C14orf132: variants seen among roughly 807,000 people sequenced by gnomAD.
C14orf132 encodes the protein chromosome 14 open reading frame 132, also known as uncharacterized protein C14orf132.
C14orf132 carries 6 observed loss-of-function variants against 5.8 expected under a neutral mutation model. That is an observed-to-expected ratio of 1.03 (90% CI 0.57 to 2.04). C14orf132 has a LOEUF of 2.04. Among genes scored for constraint, C14orf132 ranks in the 30% most tolerant of loss-of-function variants. The pLI is 0.00. For missense variants in C14orf132, 125 were observed against 115.8 expected (o/e 1.08, Z -0.37); for synonymous variants, 51 against 49.8 (o/e 1.02, Z -0.10).
Position 96,086,927 on chromosome 14 carries a change from G to T in C14orf132, c.*192G>T. On this transcript the variant is annotated 3_prime_UTR_variant, in exon 2 of 2. Transcript: ENST00000555004. ...GTGGTCAAGCTGAGTCAGAAGACATGGAAGTATGGGCCTCCTGCCCCTAGA... is the reference window on the plus strand; with the variant it reads ...GTGGTCAAGCTGAGTCAGAAGACATTGAAGTATGGGCCTCCTGCCCCTAGA... 1 of 634,210 alleles carries T rather than the reference G, an allele frequency of 1.6e-6. No homozygotes were observed. Among genetic ancestry groups the T allele is most frequent in the Non-Finnish European group, 2.7e-6 (1 of 370,164 alleles). The allele number at this position is 634,210 out of a possible 1,614,324, so 39.3% of individuals were successfully genotyped here.
At chr14:96,050,417 G>A (rs1302198801) in intron 1 of C14orf132, among the ~76,000 whole-genome samples, 2 of 152,162 alleles carry the variant, frequency 1.3e-5, no homozygotes, top group East Asian at 3.8e-4. Context: ...TTCAAGATGG[G>A]TGATGGAAAC....
chr14:96,073,341 G>A (rs1887767071), intron 1 of C14orf132, among the ~76,000 whole-genome samples: 1 of 151,958 alleles, frequency 6.6e-6, no homozygotes, highest in Non-Finnish European at 1.5e-5. Context: ...TTAAAACTGG[G>A]TTGTTTTCCA....
chr14:96,052,984 T>A (rs972719233), intron 1 of C14orf132, among the ~76,000 whole-genome samples: 7 of 152,140 alleles, frequency 4.6e-5, no homozygotes, highest in African/African-American at 1.2e-4. Flanking sequence ...AAATGGTGAC[T>A]CAGAGGTAAG....
At chr14:96,084,334 A>G (rs1291680826) in intron 1 of C14orf132, among the ~76,000 whole-genome samples, 1 of 136,946 alleles carries the variant, frequency 7.3e-6, no homozygotes, top group Non-Finnish European at 1.7e-5. Context: ...CATGCCCAAG[A>G]GGAAAAAAGC....
intron 1 of C14orf132, among the ~76,000 whole-genome samples, chr14:96,085,158 C>T (rs1888143693): frequency 6.6e-6 from 1 of 152,240 alleles, no homozygotes; most frequent in African/African-American, 2.4e-5. Context: ...TATTAGCCTC[C>T]ACCAGGATTG....
At position 96,087,468 on chromosome 14, in the gene C14orf132, G is replaced by T. The variant is rs1353346910; in HGVS notation, c.*733G>T. ...GCAGTGGACTCTTCAGGCCACCCAC[G>T]TGAGAATGCTGTTTCTTCTCTGAGG... On this transcript the variant is annotated 3_prime_UTR_variant, in exon 2 of 2. Transcript: ENST00000555004. 2 of 152,120 alleles carry T rather than the reference G, an allele frequency of 1.3e-5. No individual in the cohort carries two copies. 9.4% of individuals were successfully genotyped at this position (152,120 alleles called of 1,614,324 possible). A position where few individuals can be genotyped will look rare whatever the true frequency, so the allele number is the denominator to read the frequency against.
intron 1 of C14orf132, among the ~76,000 whole-genome samples, chr14:96,077,699 T>C (rs1887914322): frequency 6.6e-6 from 1 of 152,216 alleles, no homozygotes; most frequent in African/African-American, 2.4e-5. Context: ...ACTAGTACAC[T>C]GTGTCTTGTT....
At chr14:96,046,223 G>A (rs375750588) in intron 1 of C14orf132, among the ~76,000 whole-genome samples, 1 of 152,196 alleles carries the variant, frequency 6.6e-6, no homozygotes, top group African/African-American at 2.4e-5. Context: ...GAGGGGAGTC[G>A]GATTCCAGCT....
intron 1 of C14orf132, among the ~76,000 whole-genome samples, chr14:96,054,499 A>T (rs1485920403): frequency 1.3e-5 from 2 of 152,176 alleles, no homozygotes; most frequent in Non-Finnish European, 2.9e-5. Context: ...TTGGAACAAG[A>T]TGCTTAATTT....
At chr14:96,040,045 A>G (rs1420491860) in intron 1 of C14orf132, among the ~76,000 whole-genome samples, 1 of 151,144 alleles carries the variant, frequency 6.6e-6, no homozygotes, top group Admixed American at 6.6e-5. Context: ...TGACCCGCCA[A>G]GCGTCGACGC....
At chr14:96,060,045 A>G (rs1887301916) in intron 1 of C14orf132, among the ~76,000 whole-genome samples, 1 of 152,048 alleles carries the variant, frequency 6.6e-6, no homozygotes, top group African/African-American at 2.4e-5. Context: ...CCCCTCCTTC[A>G]GTGCTGGATT....
chr14:96,051,339 T>C (rs952630093), intron 1 of C14orf132: 1 of 396,864 alleles, frequency 2.5e-6, no homozygotes, highest in African/African-American at 2.1e-5. Context: ...ATGGGTTCTT[T>C]AGGCCTCCAT....
chr14:96,080,009 T>G (rs1887984064), intron 1 of C14orf132, among the ~76,000 whole-genome samples: 1 of 152,238 alleles, frequency 6.6e-6, no homozygotes, highest in Non-Finnish European at 1.5e-5. Context: ...TGGGATATAC[T>G]TATGCTAAAA....
In C14orf132 at chr14:96,070,596, T is replaced by TCTCTCACA. The variant is rs755530241; in HGVS notation, c.28-15914_28-15913insTCTCACAC. The stretch of plus-strand genomic sequence containing the variant: ...GGTAGATGAAGTCTCTCTCTCTCTC[T>TCTCTCACA]CACACACACACACACACACACACAC... On this transcript the variant is annotated intron_variant, in intron 1 of 1. Transcript: ENST00000555004. Among the ~76,000 whole-genome samples the TCTCTCACA allele has an allele frequency of 2.0e-3, 287 of 142,632 alleles. 4 individuals are homozygous for TCTCTCACA. The East Asian group carries it at 0.026, about 13-fold the overall frequency. 93.6% of individuals were successfully genotyped at this position (142,632 alleles called of 152,430 possible). A position where few individuals can be genotyped will look rare whatever the true frequency, so the allele number is the denominator to read the frequency against.
chr14:96,086,868 TC>T lies in C14orf132; in HGVS notation c.*137del. On this transcript the variant is annotated 3_prime_UTR_variant, in exon 2 of 2. Transcript: ENST00000555004. ...GCGGCGGCCGTCCTTCTGGAATTTCTCCCCAGCAGCCCTGATTTCAAATATC... is the reference window on the plus strand; with the variant it reads ...GCGGCGGCCGTCCTTCTGGAATTTCTCCCAGCAGCCCTGATTTCAAATATC... 2 of 856,792 alleles carry T rather than the reference TC, an allele frequency of 2.3e-6. No homozygotes were observed. Among genetic ancestry groups the T allele is most frequent in the Non-Finnish European group, 3.5e-6 (2 of 563,958 alleles). The allele number at this position is 856,792 out of a possible 1,614,324, so 53.1% of individuals were successfully genotyped here.
At chr14:96,076,357 T>C (rs926944544) in intron 1 of C14orf132, among the ~76,000 whole-genome samples, 3 of 152,244 alleles carry the variant, frequency 2.0e-5, no homozygotes, top group Admixed American at 2.0e-4. Context: ...TATTGATCTT[T>C]TAAAAGAACC....
At chr14:96,044,087 T>TG (rs1296063833) in intron 1 of C14orf132, among the ~76,000 whole-genome samples, 1 of 152,308 alleles carries the variant, frequency 6.6e-6, no homozygotes, top group East Asian at 1.9e-4. Context: ...CTGCAAGAGC[T>TG]GGGGGGGCCA....
intron 1 of C14orf132, among the ~76,000 whole-genome samples, chr14:96,057,488 T>C (rs894230786): frequency 1.3e-5 from 2 of 152,198 alleles, no homozygotes; most frequent in African/African-American, 4.8e-5. Context: ...CCGGTTCCAA[T>C]GGCTGGAGCT....
intron 1 of C14orf132, among the ~76,000 whole-genome samples, chr14:96,085,204 A>G (rs1888145247): frequency 6.6e-6 from 1 of 152,252 alleles, no homozygotes; most frequent in Non-Finnish European, 1.5e-5. Context: ...TCTCTAGCAC[A>G]GCCCCTGACC....
Sources: gnomAD v4.1 joint callset for allele counts (sites outside exome capture counted in the v4.1 genomes callset) on GRCh38, gnomAD v4.1.1 for gene constraint, MANE v1.5 for transcripts, NCBI Gene and HGNC (gene_info 2026-07-23, HGNC 2026-07-21) for gene names.